The following SESTD1 variants were observed in gnomAD, a reference collection of about 807,000 sequenced individuals.
SESTD1 encodes the protein SEC14 domain and spectrin repeat-containing protein 1.
SESTD1 carries 43 observed loss-of-function variants against 101.7 expected under a neutral mutation model. That is an observed-to-expected ratio of 0.42 (90% CI 0.33 to 0.55). The LOEUF is 0.55. SESTD1 is among the 20% of genes least tolerant of loss of function. The pLI is 0.07. For missense variants in SESTD1, 647 were observed against 815.1 expected (o/e 0.79, Z 2.51); for synonymous variants, 283 against 286.8 (o/e 0.99, Z 0.13).
At chr2:179,223,793 T>A (rs1030088467) in intron 1 of SESTD1, among the ~76,000 whole-genome samples, 1 of 152,206 alleles carries the variant, frequency 6.6e-6, no homozygotes, top group African/African-American at 2.4e-5. Flanking sequence ...ATAACATTTA[T>A]GTTCATAGAT....
rs539225609 is a variant in SESTD1, at chr2:179,102,283, A to G, written c.*7616T>C. The G allele has an allele frequency of 1.3e-5, 2 of 152,272 alleles. No individual in the cohort carries two copies. Among genetic ancestry groups the G allele is most frequent in the South Asian group, 4.1e-4 (2 of 4,832 alleles). 9.4% of individuals were successfully genotyped at this position (152,272 alleles called of 1,614,324 possible). Reference sequence around the variant, plus strand: ...ACTCCAGGTTATTTCAGAATATACAAGTTACATTTTTGATTTAATGAAAGG... The same window carrying G: ...ACTCCAGGTTATTTCAGAATATACAGGTTACATTTTTGATTTAATGAAAGG... On this transcript the variant is annotated 3_prime_UTR_variant, in exon 18 of 18. Coordinates refer to ENST00000428443, the MANE Select transcript of SESTD1 (RefSeq NM_178123.5).
chr2:179,234,699 C>A (rs2047040364), intron 1 of SESTD1, among the ~76,000 whole-genome samples: 1 of 152,300 alleles, frequency 6.6e-6, no homozygotes, highest in African/African-American at 2.4e-5. Context: ...AGACACATCA[C>A]TTCTGTAGTA....
At position 179,109,936 on chromosome 2, in the gene SESTD1, T is replaced by G; in HGVS notation, c.2054A>C (p.Gln685Pro). The change falls in exon 18 of 18, where the codon CAG becomes CCG. Residue 685 changes from glutamine to proline, a missense_variant. This residue lies in a region of SESTD1 where 476 missense variants were observed against 562.6 expected (regional missense o/e 0.85). Transcript: ENST00000428443. ...GGTCACCATTTCAGGATGTCTCAGC[T>G]GCTGCCTTTTGAGATTAACTAGTTT... The part of the protein sequence containing the change: ...RMKLVNLKRQ[Q>P]LRHPEMVTTE... 1 of 1,614,048 alleles carries G rather than the reference T, an allele frequency of 6.2e-7. No individual in the cohort carries two copies. Among genetic ancestry groups the G allele is most frequent in the Non-Finnish European group, 8.5e-7 (1 of 1,179,942 alleles).
In SESTD1 at chr2:179,263,125, T is replaced by A. The variant is rs7587502; in HGVS notation, c.-26+1374A>T. On this transcript the variant is annotated intron_variant, in intron 1 of 17. Transcript: ENST00000428443. ...AAACGATTTCCTGGAATTTGGAACA[T>A]AAAAACAGCCTATAGAGTTGTGAAA... Among the ~76,000 whole-genome samples, 358 of 152,284 alleles carry A rather than the reference T, an allele frequency of 2.4e-3. 2 individuals are homozygous for A. The highest frequency in any genetic ancestry group is 8.1e-3 in the African/African-American group (338 of 41,556).
rs143780035 is a variant in SESTD1 at position 179,257,925 on chromosome 2, C to A, written c.-26+6574G>T. 4.3e-3 allele frequency among the ~76,000 whole-genome samples: 662 copies of A among 152,272 alleles called. 4 individuals are homozygous for A. The highest frequency in any genetic ancestry group is 0.015 in the African/African-American group (615 of 41,556). On this transcript the variant is annotated intron_variant, in intron 1 of 17. Transcript: ENST00000428443. The stretch of plus-strand genomic sequence containing the variant: ...TCAAAATATAGGAGACACATAACCA[C>A]CAGTCTTCAAAGGGTTAGATGTTTC...
chr2:179,197,917 C>A (rs2094987480), intron 1 of SESTD1, among the ~76,000 whole-genome samples: 1 of 151,306 alleles, frequency 6.6e-6, no homozygotes, highest in Non-Finnish European at 1.5e-5. Flanking sequence ...AGCAAAATAA[C>A]CAGCTAACAT....
chr2:179,174,713 C>T (rs1170729739), intron 4 of SESTD1, among the ~76,000 whole-genome samples: 1 of 152,032 alleles, frequency 6.6e-6, no homozygotes, highest in Non-Finnish European at 1.5e-5. Context: ...GTAATCTCAG[C>T]GATTTGGGAG....
rs1450861728 is a variant in SESTD1 at position 179,205,523 on chromosome 2, A to C, written c.-25-13657T>G. On this transcript the variant is annotated intron_variant, in intron 1 of 17. Coordinates refer to ENST00000428443, the MANE Select transcript of SESTD1 (RefSeq NM_178123.5). ...TTTCTCGGTCTAGATTTACTTTGGC[A>C]AACTATGATATCCAGAAGCAATCTT... Among the ~76,000 whole-genome samples the C allele has an allele frequency of 2.2e-5, 3 of 135,414 alleles. 1 individual carries two copies. The highest frequency in any genetic ancestry group is 4.8e-5 in the Non-Finnish European group (3 of 62,868). The allele number at this position is 135,414 out of a possible 152,430, so 88.8% of individuals were successfully genotyped here.
intron 1 of SESTD1, among the ~76,000 whole-genome samples, chr2:179,199,136 C>T (rs1233948022): frequency 6.6e-6 from 1 of 151,910 alleles, no homozygotes; most frequent in African/African-American, 2.4e-5. Context: ...ACCACCGATC[C>T]CACAGAAATA....
intron 7 of SESTD1, among the ~76,000 whole-genome samples, chr2:179,148,483 C>T (rs1045257903): frequency 3.3e-5 from 5 of 152,138 alleles, no homozygotes; most frequent in African/African-American, 9.7e-5. Flanking sequence ...TCAGATAATA[C>T]CACTCAACTA....
chr2:179,256,294 A>G (rs1231541501), intron 1 of SESTD1, among the ~76,000 whole-genome samples: 1 of 152,240 alleles, frequency 6.6e-6, no homozygotes, highest in Non-Finnish European at 1.5e-5. Flanking sequence ...AGATTCATCA[A>G]TCTAGACTCC....
rs187933056 is a variant in SESTD1 at position 179,246,123 on chromosome 2, C to T, written c.-26+18376G>A. On this transcript the variant is annotated intron_variant, in intron 1 of 17. Coordinates refer to ENST00000428443, the MANE Select transcript of SESTD1 (RefSeq NM_178123.5). Reference sequence around the variant, plus strand: ...CACAAAAATTAGCTGGGTGTGGTGGCGTGCGCCTGTAATCCCAGATACTCA... The same window carrying T: ...CACAAAAATTAGCTGGGTGTGGTGGTGTGCGCCTGTAATCCCAGATACTCA... Among the ~76,000 whole-genome samples the T allele has an allele frequency of 3.0e-3, 461 of 152,042 alleles. 5 individuals carry two copies. The highest frequency in any genetic ancestry group is 0.011 in the African/African-American group (437 of 41,492).
intron 9 of SESTD1, among the ~76,000 whole-genome samples, chr2:179,136,888 CAT>C (rs2045157885): frequency 1.3e-5 from 2 of 151,988 alleles, no homozygotes; most frequent in South Asian, 4.1e-4. Flanking sequence ...TAGTAATGGA[CAT>C]ATATATGTAT....
intron 1 of SESTD1, among the ~76,000 whole-genome samples, chr2:179,196,456 C>T (rs953998225): frequency 5.9e-5 from 9 of 152,264 alleles, no homozygotes; most frequent in Admixed American, 4.6e-4. Flanking sequence ...GAGCCCACCA[C>T]AGCTAAAGGA....
intron 10 of SESTD1, among the ~76,000 whole-genome samples, chr2:179,124,826 A>G (rs116463442): frequency 6.6e-6 from 1 of 152,104 alleles, no homozygotes; most frequent in African/African-American, 2.4e-5. Flanking sequence ...TACTGTTTCC[A>G]TGTCTGACAT....
At chr2:179,114,450 T>C (rs2044583253) in intron 16 of SESTD1, among the ~76,000 whole-genome samples, 1 of 152,184 alleles carries the variant, frequency 6.6e-6, no homozygotes. Flanking sequence ...TATGTAAGGC[T>C]TGGGTAGAAT....
rs370686015 is a variant in SESTD1, at chr2:179,212,656, T to C, written c.-25-20790A>G. ...AACAGTTGTTCTCCCAACATGGCGTTTGAGCTCTGAGAATGGACAGATTGC... is the reference window on the plus strand; with the variant it reads ...AACAGTTGTTCTCCCAACATGGCGTCTGAGCTCTGAGAATGGACAGATTGC... On this transcript the variant is annotated intron_variant, in intron 1 of 17. Coordinates refer to ENST00000428443, the MANE Select transcript of SESTD1 (RefSeq NM_178123.5). Among the ~76,000 whole-genome samples the C allele has an allele frequency of 1.3e-4, 17 of 135,578 alleles. 6 individuals carry two copies. In the South Asian group the frequency reaches 3.4e-3, roughly 27 times the overall value. 88.9% of individuals were successfully genotyped at this position (135,578 alleles called of 152,430 possible). A position where few individuals can be genotyped will look rare whatever the true frequency, so the allele number is the denominator to read the frequency against.
At chr2:179,131,265 A>G (rs1045908996) in intron 10 of SESTD1, among the ~76,000 whole-genome samples, 1 of 152,072 alleles carries the variant, frequency 6.6e-6, no homozygotes, top group African/African-American at 2.4e-5. Context: ...GAAGAAAAAT[A>G]AGAATCAGAT....
chr2:179,183,562 G>A (rs529355515), intron 2 of SESTD1, among the ~76,000 whole-genome samples: 1 of 151,964 alleles, frequency 6.6e-6, no homozygotes, highest in African/African-American at 2.4e-5. Flanking sequence ...ATATTTAGGA[G>A]ATAAGAAATA....
Sources: allele counts gnomAD v4.1 joint callset (sites outside exome capture counted in the v4.1 genomes callset), GRCh38; gene constraint gnomAD v4.1.1; regional missense constraint gnomAD v4.1.1; transcripts MANE v1.5; gene names NCBI Gene and HGNC (gene_info 2026-07-23, HGNC 2026-07-21).